The following EPHA8 variants were observed in gnomAD, a reference collection of about 807,000 sequenced individuals.
EPHA8 encodes EPH receptor A8.
A neutral mutation model predicts 103.6 loss-of-function variants in EPHA8; 58 were observed. That is an observed-to-expected ratio of 0.56 (90% CI 0.45 to 0.70). EPHA8 has a LOEUF of 0.70. Ranked by LOEUF, EPHA8 falls within the 30% of genes least tolerant of loss-of-function variation. EPHA8 has a pLI of 0.00. For synonymous variants in EPHA8, 559 were observed against 572.5 expected (o/e 0.98, Z 0.34); for missense variants, 1,304 against 1,395.2 (o/e 0.93, Z 1.04).
chr1:22,574,416 G>T (rs1195282555), intron 2 of EPHA8, among the ~76,000 whole-genome samples: 2 of 152,136 alleles, frequency 1.3e-5, no homozygotes, highest in Non-Finnish European at 2.9e-5. Flanking sequence ...CACCACCACT[G>T]CCAGAACTCC....
intron 7 of EPHA8, among the ~76,000 whole-genome samples, chr1:22,594,745 C>T (rs1290933084): frequency 1.3e-5 from 2 of 152,188 alleles, no homozygotes; most frequent in African/African-American, 4.8e-5. Context: ...GAATCCTGAG[C>T]CCTCCATCCC....
Position 22,567,493 on chromosome 1 carries a change from C to T in EPHA8, c.95-1796C>T, listed in dbSNP as rs535971072. Among the ~76,000 whole-genome samples, 109 of 152,176 alleles carry T rather than the reference C, an allele frequency of 7.2e-4. No individual in the cohort carries two copies. Among genetic ancestry groups the T allele is most frequent in the Non-Finnish European group, 2.4e-4 (16 of 67,976 alleles). On this transcript the variant is annotated intron_variant, in intron 1 of 16. Transcript: ENST00000166244. This position sits in a 1 kb window ranked among gnomAD's most constrained non-coding sequence, Gnocchi z 4.2. ...AGGGGGAGGTCCCTCTGCGGACATT[C>T]GCTGTGTCCCCTGATCCCAAGTGGC...
chr1:22,572,946 C>A (rs1229262122), intron 2 of EPHA8, among the ~76,000 whole-genome samples: 1 of 152,210 alleles, frequency 6.6e-6, no homozygotes, highest in African/African-American at 2.4e-5. Context: ...AGACCATTGG[C>A]CCCGGTGGGG....
At position 22,588,984 on chromosome 1, in the gene EPHA8, G is replaced by A. The variant is rs369589341; in HGVS notation, c.1093G>A (p.Val365Met). ...GGRSDITYNA[V>M]CRRCPWALSR... ...CCGCAGTGACATCACCTACAATGCCGTGTGCCGCCGCTGCCCCTGGGCACT... is the reference window on the plus strand; with the variant it reads ...CCGCAGTGACATCACCTACAATGCCATGTGCCGCCGCTGCCCCTGGGCACT... Residue 365 changes from valine (V) to methionine (M), a missense_variant, in exon 5 of 17, where the codon GTG becomes ATG. Transcript: ENST00000166244. 159 of 1,613,034 alleles carry A rather than the reference G, an allele frequency of 9.9e-5. No homozygotes were observed. Among genetic ancestry groups the A allele is most frequent in the Admixed American group, 6.3e-4 (38 of 59,976 alleles).
chr1:22,603,310 C>T lies in EPHA8; in HGVS notation c.*1569C>T, dbSNP rs936685441. Reference sequence around the variant, plus strand: ...CTCTACACCTCTATATATTATATTACTATATAGCCGAGCTGTTCTTCCTTC... The same window carrying T: ...CTCTACACCTCTATATATTATATTATTATATAGCCGAGCTGTTCTTCCTTC... On this transcript the variant is annotated 3_prime_UTR_variant, in exon 17 of 17. Coordinates refer to ENST00000166244, the MANE Select transcript of EPHA8 (RefSeq NM_020526.5). 2.0e-5 allele frequency: 3 copies of T among 152,534 alleles called. No individual in the cohort carries two copies. The highest frequency in any genetic ancestry group is 7.2e-5 in the African/African-American group (3 of 41,418). 9.4% of individuals were successfully genotyped at this position (152,534 alleles called of 1,614,324 possible). A position where few individuals can be genotyped will look rare whatever the true frequency, so the allele number is the denominator to read the frequency against.
intron 4 of EPHA8, among the ~76,000 whole-genome samples, chr1:22,586,948 G>A (rs1641229480): frequency 6.6e-6 from 1 of 152,266 alleles, no homozygotes; most frequent in Admixed American, 6.5e-5. Context: ...GATGTCCTGG[G>A]GGCCAGGTGG....
At chr1:22,591,720 C>G (rs1229043031) in intron 5 of EPHA8, among the ~76,000 whole-genome samples, 1 of 152,148 alleles carries the variant, frequency 6.6e-6, no homozygotes, top group East Asian at 1.9e-4. Context: ...TCCGGTGCCC[C>G]CTCCTTGAAC....
At chr1:22,579,819 C>G (rs1200148387) in intron 3 of EPHA8, among the ~76,000 whole-genome samples, 2 of 152,160 alleles carry the variant, frequency 1.3e-5, no homozygotes, top group Admixed American at 6.5e-5. Context: ...GGAACGGGGC[C>G]CTTGTCAGCT....
In EPHA8 at chr1:22,576,285, G is replaced by A. The variant is rs1484910204; in HGVS notation, c.228G>A (p.Met76Ile). Residue 76 changes from methionine to isoleucine, a missense_variant, in exon 3 of 17, where the codon ATG becomes ATA. Physicochemically the swap from Met to Ile is conservative, Grantham distance 10. Coordinates refer to ENST00000166244, the MANE Select transcript of EPHA8 (RefSeq NM_020526.5). The surrounding 1 kb of genome is among the most constrained non-coding windows in gnomAD (Gnocchi z 4.8). Reference protein sequence around the residue: ...PIHTYQVCNVMSPNQNNWLRT... With the variant: ...PIHTYQVCNVISPNQNNWLRT... ...ACACGTACCAGGTTTGCAACGTCAT[G>A]AGCCCCAACCAGAACAACTGGCTGC... The A allele has an allele frequency of 6.2e-7, 1 of 1,613,778 alleles. No homozygotes were observed.
intron 5 of EPHA8, among the ~76,000 whole-genome samples, chr1:22,592,786 G>A (rs760044543): frequency 1.5e-5 from 2 of 137,470 alleles, no homozygotes; most frequent in Non-Finnish European, 3.1e-5. Flanking sequence ...AGGGCTGACC[G>A]CACCTGAGCC....
chr1:22,595,384 C>T, intron 8 of EPHA8, 61 bp downstream of exon 8: 2 of 1,425,204 alleles, frequency 1.4e-6, no homozygotes, highest in Admixed American at 1.9e-5. Context: ...CTCCTGCCTG[C>T]CCCCAGCCCC....
intron 3 of EPHA8, among the ~76,000 whole-genome samples, chr1:22,578,139 TGTGTATGTGTGCGTGTGTGCATGA>T (rs1405677029): frequency 1.0e-4 from 9 of 90,260 alleles, no homozygotes; most frequent in Non-Finnish European, 1.9e-4. Context: ...TGTGTGCATG[TGTGTATGTGTGCGTGTGTGCATGA>T]GTGTATGTGT....
chr1:22,591,666 G>T (rs1641376060), intron 5 of EPHA8, among the ~76,000 whole-genome samples: 1 of 152,124 alleles, frequency 6.6e-6, no homozygotes, highest in African/African-American at 2.4e-5. Flanking sequence ...TGCCTCTCCA[G>T]AGCACCTCTT....
intron 8 of EPHA8, among the ~76,000 whole-genome samples, chr1:22,595,816 G>A (rs558158047): frequency 2.0e-5 from 3 of 152,334 alleles, no homozygotes; most frequent in South Asian, 4.1e-4. Context: ...ACCAAGGGTG[G>A]TTTCATATAA....
chr1:22,576,361 A>G lies in EPHA8; in HGVS notation c.304A>G (p.Lys102Glu), dbSNP rs148164803. Residue 102 changes from lysine (K) to glutamate (E), a missense_variant, in exon 3 of 17, where the codon AAG (lysine) becomes GAG (glutamate). Coordinates refer to ENST00000166244, the MANE Select transcript of EPHA8 (RefSeq NM_020526.5). The surrounding 1 kb of genome is among the most constrained non-coding windows in gnomAD (Gnocchi z 4.8). Reference protein sequence around the residue: ...DGARRVYAEIKFTLRDCNSMP... With the variant: ...DGARRVYAEIEFTLRDCNSMP... The stretch of plus-strand genomic sequence containing the variant: ...CGCCCGGCGCGTCTATGCTGAGATC[A>G]AGTTTACCCTGCGCGACTGCAACAG... The G allele has an allele frequency of 6.2e-7, 1 of 1,613,624 alleles. No individual in the cohort carries two copies. The highest frequency in any genetic ancestry group is 8.5e-7 in the Non-Finnish European group (1 of 1,179,972).
intron 2 of EPHA8, among the ~76,000 whole-genome samples, chr1:22,572,937 G>C (rs1640583330): frequency 6.6e-6 from 1 of 152,246 alleles, no homozygotes; most frequent in Non-Finnish European, 1.5e-5. Flanking sequence ...GGCTAGGCCA[G>C]ACCATTGGCC....
At chr1:22,601,174 C>T in intron 15 of EPHA8, 86 bp downstream of exon 15, 1 of 1,534,488 alleles carries the variant, frequency 6.5e-7, no homozygotes, top group Non-Finnish European at 8.8e-7. Flanking sequence ...TTGGCCCTGA[C>T]ACTAGGACCA....
chr1:22,601,014 C>A lies in EPHA8; in HGVS notation c.2655C>A (p.Phe885Leu). ...AGGACCGGGCGCAGCGGCCTCGCTT[C>A]TCCCAGATTGTCAGTGTCCTCGATG... Reference protein sequence around the residue: ...WHKDRAQRPRFSQIVSVLDAL... With the variant: ...WHKDRAQRPRLSQIVSVLDAL... Residue 885 changes from phenylalanine (F) to leucine (L), a missense_variant, in exon 15 of 17, where the codon TTC becomes TTA. Physicochemically the swap from Phe to Leu is conservative, Grantham distance 22. Transcript: ENST00000166244. 6.2e-7 allele frequency: 1 copy of A among 1,612,962 alleles called. No homozygotes were observed. The highest frequency in any genetic ancestry group is 8.5e-7 in the Non-Finnish European group (1 of 1,179,914).
rs904229556 is a variant in EPHA8, at chr1:22,601,973, C to A, written c.*232C>A. 12 of 580,176 alleles carry A rather than the reference C, an allele frequency of 2.1e-5. No homozygotes were observed. Among genetic ancestry groups the A allele is most frequent in the Non-Finnish European group, 3.3e-5 (11 of 332,762 alleles). The allele number at this position is 580,176 out of a possible 1,614,324, so 35.9% of individuals were successfully genotyped here. On this transcript the variant is annotated 3_prime_UTR_variant, in exon 17 of 17. Coordinates refer to ENST00000166244, the MANE Select transcript of EPHA8 (RefSeq NM_020526.5). ...GGACACCTGTCCCCCAGGGCAGGCA[C>A]CTTCTCTTTTCCAGAGCCTGGGGCC...
Sources: gnomAD v4.1 joint callset for allele counts (sites outside exome capture counted in the v4.1 genomes callset) on GRCh38, gnomAD v4.1.1 for gene constraint, Gnocchi (gnomAD v3.1) non-coding constraint, MANE v1.5 for transcripts, NCBI Gene and HGNC (gene_info 2026-07-23, HGNC 2026-07-21) for gene names.